The following AFF2 variants were observed in gnomAD, a reference collection of about 807,000 sequenced individuals.
AFF2 encodes AF4/FMR2 family member 2.
AFF2 carries 14 observed loss-of-function variants against 76.9 expected under a neutral mutation model. That is an observed-to-expected ratio of 0.18 (90% CI 0.12 to 0.28). The LOEUF is 0.28. Among genes scored for constraint, AFF2 ranks in the 10% least tolerant of loss-of-function variants. The pLI, the probability that AFF2 is intolerant of heterozygous loss-of-function variation, is 1.00. For synonymous variants in AFF2, 398 were observed against 366.7 expected, an observed-to-expected ratio of 1.09 and a Z score of -0.98; for missense variants, 868 against 1,001.1, an observed-to-expected ratio of 0.87 and a Z score of 1.79.
intron 4 of AFF2, among the ~76,000 whole-genome samples, chrX:148,826,416 A>G (rs73606000): frequency 0.01 from 1,165 of 111,728 alleles, 10 homozygotes; most frequent in African/African-American, 0.036. Flanking sequence ...AGTGAAATCC[A>G]ATAATCAGAT....
chrX:148,975,978 T>G (rs868980658), intron 16 of AFF2, among the ~76,000 whole-genome samples: 2 of 73,695 alleles, frequency 2.7e-5, no homozygotes, highest in African/African-American at 7.9e-5. Context: ...GAAAGTAAAA[T>G]ACAAATTTCA....
rs782439235 is a variant in AFF2, at chrX:148,656,691, G to A, written c.180+4560G>A. ...ATTTTTTGTATTTTTTAGTAGAGAC[G>A]GGGTTTCACCGTTTTAGCCGGGATG... On this transcript the variant is annotated intron_variant, in intron 2 of 20. Coordinates refer to ENST00000370460, the MANE Select transcript of AFF2 (RefSeq NM_002025.4). 2.6e-4 allele frequency among the ~76,000 whole-genome samples: 28 copies of A among 106,868 alleles called. No individual in the cohort carries two copies. In the South Asian group the frequency reaches 0.011, roughly 43 times the overall value. 92.8% of individuals were successfully genotyped at this position (106,868 alleles called of 115,157 possible). A position where few individuals can be genotyped will look rare whatever the true frequency, so the allele number is the denominator to read the frequency against.
rs141080712 is a variant in AFF2, at chrX:148,811,699, A to G, written c.1086+1779A>G. On this transcript the variant is annotated intron_variant, in intron 4 of 20. Coordinates refer to ENST00000370460, the MANE Select transcript of AFF2 (RefSeq NM_002025.4). ...ACTAATTTGTCACAATCGAAATTACATACTTAAAAGCAACCCAGCCCTGGT... is the reference window on the plus strand; with the variant it reads ...ACTAATTTGTCACAATCGAAATTACGTACTTAAAAGCAACCCAGCCCTGGT... Among the ~76,000 whole-genome samples, 841 of 112,132 alleles carry G rather than the reference A, an allele frequency of 7.5e-3. 7 individuals are homozygous for G. The highest frequency in any genetic ancestry group is 0.023 in the African/African-American group (705 of 30,814).
At chrX:148,502,357 C>G (rs1382354342) in intron 1 of AFF2, among the ~76,000 whole-genome samples, 3 of 112,277 alleles carry the variant, frequency 2.7e-5, no homozygotes. Flanking sequence ...TAGGCAATTT[C>G]CTTCTTTAAA....
intron 1 of AFF2, among the ~76,000 whole-genome samples, chrX:148,581,010 TACAC>T (rs1399641859): frequency 1.2e-5 from 1 of 80,442 alleles, no homozygotes. Flanking sequence ...ATGCACCTCC[TACAC>T]ACAAACATAT....
At chrX:148,614,740 TTC>T (rs1305610030) in intron 1 of AFF2, among the ~76,000 whole-genome samples, 4 of 27,722 alleles carry the variant, frequency 1.4e-4, no homozygotes, top group Admixed American at 8.0e-4. Flanking sequence ...TTTCCTTCTT[TTC>T]TTTCTTTCTT....
intron 3 of AFF2, among the ~76,000 whole-genome samples, chrX:148,795,832 A>AATAT (rs1169188980): frequency 0.025 from 388 of 15,468 alleles, 9 homozygotes; most frequent in Non-Finnish European, 0.033. Flanking sequence ...AAAAAAAAAA[A>AATAT]ATATATATAT....
intron 3 of AFF2, among the ~76,000 whole-genome samples, chrX:148,785,468 T>C (rs2069806827): frequency 8.9e-6 from 1 of 111,784 alleles, no homozygotes; most frequent in Admixed American, 9.5e-5. Context: ...CGGCCTCATT[T>C]TGTGGCTTGG....
At chrX:148,847,385 C>T (rs1258600437) in intron 7 of AFF2, among the ~76,000 whole-genome samples, 1 of 111,842 alleles carries the variant, frequency 8.9e-6, no homozygotes, top group East Asian at 2.8e-4. Flanking sequence ...ATATCAAGCT[C>T]CTTTGTAAAA....
chrX:148,739,830 T>C (rs912154725), intron 3 of AFF2, among the ~76,000 whole-genome samples: 5 of 112,042 alleles, frequency 4.5e-5, no homozygotes, highest in Admixed American at 3.8e-4. Flanking sequence ...GCAGTTCTTG[T>C]AGTGGTGGCT....
intron 7 of AFF2, among the ~76,000 whole-genome samples, chrX:148,867,085 G>A (rs891275126): frequency 4.5e-5 from 5 of 112,247 alleles, no homozygotes; most frequent in African/African-American, 1.6e-4. Flanking sequence ...TAAAGAAAAA[G>A]AAACCTGTAA....
intron 7 of AFF2, among the ~76,000 whole-genome samples, chrX:148,880,427 T>C (rs1557278335): frequency 2.7e-5 from 3 of 111,654 alleles, no homozygotes. Context: ...TTATTTCTTT[T>C]AGGTTACTTT....
At chrX:148,710,574 G>A (rs1460497744) in intron 3 of AFF2, among the ~76,000 whole-genome samples, 1 of 111,833 alleles carries the variant, frequency 8.9e-6, no homozygotes, top group African/African-American at 3.2e-5. Context: ...TTGCAATATT[G>A]TGTAACTGTC....
intron 15 of AFF2, among the ~76,000 whole-genome samples, chrX:148,971,595 C>T (rs1375847582): frequency 9.3e-6 from 1 of 107,604 alleles, no homozygotes; most frequent in Non-Finnish European, 1.9e-5. Context: ...ATCACCTTCC[C>T]GCCTCTCATT....
rs1330684636 is a variant in AFF2, at chrX:148,637,005, C to T, written c.48-14994C>T. On this transcript the variant is annotated intron_variant, in intron 1 of 20. Coordinates refer to ENST00000370460, the MANE Select transcript of AFF2 (RefSeq NM_002025.4). ...TCTTTAAATATTTCAGAGAAGGGCA[C>T]GCACTGGTTCCCACATACCAGCACA... Among the ~76,000 whole-genome samples, 5 of 111,661 alleles carry T rather than the reference C, an allele frequency of 4.5e-5. No individual in the cohort carries two copies. The East Asian group carries it at 8.4e-4, about 19-fold the overall frequency.
intron 1 of AFF2, among the ~76,000 whole-genome samples, chrX:148,564,851 G>A (rs1318756267): frequency 8.9e-6 from 1 of 111,859 alleles, no homozygotes; most frequent in African/African-American, 3.2e-5. Context: ...TTCCTAGGTA[G>A]CACATTCCAC....
At chrX:148,685,036 A>C (rs1226481868) in intron 3 of AFF2, among the ~76,000 whole-genome samples, 2 of 112,386 alleles carry the variant, frequency 1.8e-5, no homozygotes, top group East Asian at 5.6e-4. Flanking sequence ...TCTAAGTAGC[A>C]TAACTCAGGC....
At chrX:148,876,922 A>G (rs2124115080) in intron 7 of AFF2, among the ~76,000 whole-genome samples, 1 of 111,627 alleles carries the variant, frequency 9.0e-6, no homozygotes, top group South Asian at 3.8e-4. Flanking sequence ...CTATCATGAG[A>G]CAGTTTCCCA....
intron 1 of AFF2, among the ~76,000 whole-genome samples, chrX:148,617,184 C>T (rs1185331184): frequency 9.0e-6 from 1 of 111,467 alleles, no homozygotes; most frequent in Non-Finnish European, 1.9e-5. Context: ...GTTGACAGTC[C>T]CACCAACAGT....
Sources: gnomAD v4.1 joint callset for allele counts (sites outside exome capture counted in the v4.1 genomes callset) on GRCh38, gnomAD v4.1.1 for gene constraint, MANE v1.5 for transcripts, NCBI Gene and HGNC (gene_info 2026-07-23, HGNC 2026-07-21) for gene names.